SLC9A1: variants seen among roughly 807,000 people sequenced by gnomAD.
SLC9A1 encodes the protein sodium/hydrogen exchanger 1.
A neutral mutation model predicts 67.9 loss-of-function variants in SLC9A1; 22 were observed. That is an observed-to-expected ratio of 0.32 (90% CI 0.23 to 0.46). SLC9A1 has a LOEUF of 0.46. Among genes scored for constraint, SLC9A1 ranks in the 20% least tolerant of loss-of-function variants. SLC9A1 has a pLI of 1.00. For missense variants in SLC9A1, 686 were observed against 1,094.8 expected, an observed-to-expected ratio of 0.63 and a Z score of 5.27; for synonymous variants, 421 against 471.8, an observed-to-expected ratio of 0.89 and a Z score of 1.40.
chr1:27,146,120 C>T (rs2083483852), intron 1 of SLC9A1, among the ~76,000 whole-genome samples: 1 of 152,062 alleles, frequency 6.6e-6, no homozygotes, highest in Non-Finnish European at 1.5e-5. Flanking sequence ...CAAAATGAGG[C>T]CCACACAGGC....
In SLC9A1 at chr1:27,154,377, G is replaced by A. The variant is rs990038954; in HGVS notation, c.-43C>T. 6.0e-6 allele frequency: 8 copies of A among 1,341,876 alleles called. No homozygotes were observed. The highest frequency in any genetic ancestry group is 3.1e-6 in the Non-Finnish European group (3 of 976,860). The allele number at this position is 1,341,876 out of a possible 1,614,324, so 83.1% of individuals were successfully genotyped here. A position where few individuals can be genotyped will look rare whatever the true frequency, so the allele number is the denominator to read the frequency against. Reference sequence around the variant, plus strand: ...CAGCCTCGACCTTACCCAAATGAGAGTAAAACCGGGCACATAGGTAGCAAA... The same window carrying A: ...CAGCCTCGACCTTACCCAAATGAGAATAAAACCGGGCACATAGGTAGCAAA... On this transcript the variant is annotated 5_prime_UTR_variant, in exon 1 of 12. Coordinates refer to ENST00000263980, the MANE Select transcript of SLC9A1 (RefSeq NM_003047.5).
intron 1 of SLC9A1, among the ~76,000 whole-genome samples, chr1:27,127,028 T>C (rs113747920): frequency 0.012 from 1,882 of 151,920 alleles, 23 homozygotes; most frequent in Middle Eastern, 0.068. Flanking sequence ...GAAAACAGAG[T>C]CTGGCTGTGT....
intron 1 of SLC9A1, among the ~76,000 whole-genome samples, chr1:27,124,171 C>T (rs2124173103): frequency 6.6e-6 from 1 of 152,248 alleles, no homozygotes; most frequent in Middle Eastern, 3.4e-3. Context: ...GTTTGCCCCA[C>T]ACCTGGGGTG....
At chr1:27,131,923 A>G (rs1340707030) in intron 1 of SLC9A1, among the ~76,000 whole-genome samples, 2 of 92,474 alleles carry the variant, frequency 2.2e-5, no homozygotes, top group Non-Finnish European at 4.3e-5. Flanking sequence ...TCCGTCTCAA[A>G]AAGAAGAAGA....
chr1:27,100,713 C>T lies in SLC9A1; in HGVS notation c.2111-69G>A, dbSNP rs777894033. 9.4e-5 allele frequency: 121 copies of T among 1,290,494 alleles called. No individual in the cohort carries two copies. Among genetic ancestry groups the T allele is most frequent in the African/African-American group, 1.2e-4 (8 of 67,800 alleles). 79.9% of individuals were successfully genotyped at this position (1,290,494 alleles called of 1,614,324 possible). On this transcript the variant is annotated intron_variant, in intron 11 of 11. Coordinates refer to ENST00000263980, the MANE Select transcript of SLC9A1 (RefSeq NM_003047.5). This position sits in a 1 kb window ranked among gnomAD's most constrained non-coding sequence, Gnocchi z 5.6. Reference sequence around the variant, plus strand: ...CCCGGCCCAGCACGTGCCACTCGGCCGCGTCAGTGCCTCCTTCAGGCCTTC... The same window carrying T: ...CCCGGCCCAGCACGTGCCACTCGGCTGCGTCAGTGCCTCCTTCAGGCCTTC...
intron 1 of SLC9A1, among the ~76,000 whole-genome samples, chr1:27,134,088 C>T (rs1303758113): frequency 6.6e-6 from 1 of 152,100 alleles, no homozygotes; most frequent in Non-Finnish European, 1.5e-5. Context: ...TTCTAAAGTG[C>T]CTTTCCACTG....
Position 27,137,933 on chromosome 1 carries a change from A to T in SLC9A1, c.352+16050T>A, listed in dbSNP as rs191698361. Reference sequence around the variant, plus strand: ...TCTCCTAGGCTGGAGCTTCCATCCCACTGCTGGCTTGGCCAGTGGTGCCTG... The same window carrying T: ...TCTCCTAGGCTGGAGCTTCCATCCCTCTGCTGGCTTGGCCAGTGGTGCCTG... On this transcript the variant is annotated intron_variant, in intron 1 of 11. Transcript: ENST00000263980. The surrounding 1 kb of genome is among the most constrained non-coding windows in gnomAD (Gnocchi z 4.6). 4.6e-4 allele frequency among the ~76,000 whole-genome samples: 70 copies of T among 151,716 alleles called. No individual in the cohort carries two copies. The highest frequency in any genetic ancestry group is 4.3e-4 in the Non-Finnish European group (29 of 67,846).
In SLC9A1 at chr1:27,101,954, C is replaced by A. The variant is rs547266627; in HGVS notation, c.1935+62G>T. 1.2e-4 allele frequency: 170 copies of A among 1,466,016 alleles called. No homozygotes were observed. The highest frequency in any genetic ancestry group is 8.2e-4 in the Middle Eastern group (4 of 4,888). 90.8% of individuals were successfully genotyped at this position (1,466,016 alleles called of 1,614,324 possible). On this transcript the variant is annotated intron_variant, in intron 9 of 11. Transcript: ENST00000263980. This position sits in a 1 kb window ranked among gnomAD's most constrained non-coding sequence, Gnocchi z 4.9. ...GAGGGGCACGGGCAGGGCAGGGCTG[C>A]CGTAGAGAGGGGCTGAAGGGCTCCT...
intron 1 of SLC9A1, among the ~76,000 whole-genome samples, chr1:27,119,085 A>ACACACT (rs1194276206): frequency 1.4e-5 from 2 of 138,970 alleles, no homozygotes; most frequent in African/African-American, 5.3e-5. Flanking sequence ...ACACACACAC[A>ACACACT]CTCTTGCTGA....
chr1:27,131,947 A>AAAAAAATATATATATAT, intron 1 of SLC9A1, among the ~76,000 whole-genome samples: 4 of 52,118 alleles, frequency 7.7e-5, no homozygotes, highest in African/African-American at 2.5e-4. Flanking sequence ...AGAAAAAAAA[A>AAAAAAATATATATATAT]ATATATATAT....
intron 1 of SLC9A1, among the ~76,000 whole-genome samples, chr1:27,151,078 A>C (rs1313677402): frequency 6.6e-6 from 1 of 152,120 alleles, no homozygotes; most frequent in East Asian, 1.9e-4. Context: ...TCCCGCCATG[A>C]CCAGCTCAAG....
intron 8 of SLC9A1, 22 bp downstream of exon 8, chr1:27,102,363 G>A: frequency 6.4e-7 from 1 of 1,568,070 alleles, no homozygotes; most frequent in Non-Finnish European, 8.7e-7. Flanking sequence ...AGCAGAAGCT[G>A]CCTGGTTGCC....
intron 1 of SLC9A1, among the ~76,000 whole-genome samples, chr1:27,128,024 T>C (rs1347972084): frequency 2.0e-5 from 3 of 152,166 alleles, no homozygotes; most frequent in Non-Finnish European, 4.4e-5. Flanking sequence ...ATCTGACTGA[T>C]GAACTCTGCA....
At position 27,101,365 on chromosome 1, in the gene SLC9A1, C is replaced by T. The variant is rs549531324; in HGVS notation, c.2038-90G>A. The T allele has an allele frequency of 1.6e-5, 16 of 1,007,962 alleles. No individual in the cohort carries two copies. Among genetic ancestry groups the T allele is most frequent in the South Asian group, 9.4e-5 (7 of 74,600 alleles). 62.4% of individuals were successfully genotyped at this position (1,007,962 alleles called of 1,614,324 possible). A position where few individuals can be genotyped will look rare whatever the true frequency, so the allele number is the denominator to read the frequency against. ...CCCGGCCAGTGCACACCCCACCTTT[C>T]GTATATGCAGGGCGCTTGCTCCCCC... is the stretch of plus-strand genomic sequence containing the variant. On this transcript the variant is annotated intron_variant, in intron 10 of 11. Transcript: ENST00000263980. This position sits in a 1 kb window ranked among gnomAD's most constrained non-coding sequence, Gnocchi z 4.9.
intron 2 of SLC9A1, among the ~76,000 whole-genome samples, chr1:27,110,870 C>T (rs965755321): frequency 2.6e-5 from 4 of 152,144 alleles, no homozygotes; most frequent in Admixed American, 6.5e-5. Flanking sequence ...GTTTCCAGGC[C>T]TGGGGGAAGG....
Position 27,109,777 on chromosome 1 carries a change from C to T in SLC9A1, c.814G>A (p.Val272Ile). The change falls in exon 3 of 12, where the codon GTC becomes ATC. Residue 272 changes from valine (V) to isoleucine (I), a missense_variant and splice_region_variant. Around this residue, in one of 7 missense-constraint regions of SLC9A1, gnomAD observed 13 missense variants for 56.6 expected, o/e 0.23. Transcript: ENST00000263980. The surrounding 1 kb of genome is among the most constrained non-coding windows in gnomAD (Gnocchi z 5.5). Reference protein sequence around the residue: ...ESLLNDAVTVVLYHLFEEFAN... With the variant: ...ESLLNDAVTVILYHLFEEFAN... ...AACTCCTCAAAGAGGTGATACAGGA[C>T]CTGGGGAGGGTGTGCAGGCTGGTGG... is the stretch of plus-strand genomic sequence containing the variant. The T allele has an allele frequency of 1.9e-6, 3 of 1,613,708 alleles. No homozygotes were observed. The highest frequency in any genetic ancestry group is 2.5e-6 in the Non-Finnish European group (3 of 1,179,938).
chr1:27,127,947 C>T (rs12140923), intron 1 of SLC9A1, among the ~76,000 whole-genome samples: 45,199 of 152,144 alleles, frequency 0.3, 7,230 homozygotes, highest in Non-Finnish European at 0.36. Flanking sequence ...TTGAACAAGC[C>T]GTTGCTTCTC....
chr1:27,153,974 G>A lies in SLC9A1; in HGVS notation c.352+9C>T, dbSNP rs757625582. ...TGGCGGCCGCAGCATCGGAGCAAAC[G>A]GGACTTACCTATCTTCATGAGGCAG... On this transcript the variant is annotated intron_variant, in intron 1 of 11. Coordinates refer to ENST00000263980, the MANE Select transcript of SLC9A1 (RefSeq NM_003047.5). 6.5e-7 allele frequency: 1 copy of A among 1,529,604 alleles called. No homozygotes were observed. The highest frequency in any genetic ancestry group is 8.9e-7 in the Non-Finnish European group (1 of 1,129,786). The allele number at this position is 1,529,604 out of a possible 1,614,324, so 94.8% of individuals were successfully genotyped here.
intron 1 of SLC9A1, among the ~76,000 whole-genome samples, chr1:27,130,485 T>A (rs981110518): frequency 1.3e-5 from 2 of 152,192 alleles, no homozygotes; most frequent in Non-Finnish European, 2.9e-5. Context: ...AAGCAGGAGC[T>A]ATTTGGCACC....
Sources: gnomAD v4.1 joint callset for allele counts (sites outside exome capture counted in the v4.1 genomes callset) on GRCh38, gnomAD v4.1.1 for gene constraint, gnomAD v4.1.1 regional missense constraint, Gnocchi (gnomAD v3.1) non-coding constraint, MANE v1.5 for transcripts, NCBI Gene and HGNC (gene_info 2026-07-23, HGNC 2026-07-21) for gene names.